Variants in L3MBTL4 observed in about 807,000 individuals in gnomAD.
L3MBTL4 encodes the protein lethal(3)malignant brain tumor-like protein 4.
Under a neutral mutation model 84.5 loss-of-function variants are expected in L3MBTL4, and 70 were observed. The observed-to-expected ratio is 0.83, with a 90% CI of 0.68 to 1.01. The LOEUF (loss-of-function observed/expected upper bound fraction) is 1.01, where lower values mean the gene tolerates loss of function less well. Among genes scored for constraint, L3MBTL4 ranks in the 50% least tolerant of loss-of-function variants. The pLI is 0.00. For missense variants in L3MBTL4, 715 were observed against 754.8 expected, an observed-to-expected ratio of 0.95 and a Z score of 0.62; for synonymous variants, 274 against 259.8, an observed-to-expected ratio of 1.05 and a Z score of -0.52.
At chr18:6,216,616 C>CTTAT (rs1456879249) in intron 10 of L3MBTL4, among the ~76,000 whole-genome samples, 1 of 152,052 alleles carries the variant, frequency 6.6e-6, no homozygotes, top group Non-Finnish European at 1.5e-5. Flanking sequence ...ATAAACATAA[C>CTTAT]TTATTTTCAT....
At chr18:6,024,899 G>A (rs897949056) in intron 16 of L3MBTL4, among the ~76,000 whole-genome samples, 1 of 152,154 alleles carries the variant, frequency 6.6e-6, no homozygotes, top group African/African-American at 2.4e-5. Flanking sequence ...CTGTGAAAAG[G>A]TCACACACTT....
chr18:6,148,930 T>C (rs1394623909), intron 13 of L3MBTL4, among the ~76,000 whole-genome samples: 1 of 152,210 alleles, frequency 6.6e-6, no homozygotes, highest in African/African-American at 2.4e-5. Flanking sequence ...TCCATTTTTT[T>C]CATTATTTTT....
At chr18:5,969,850 C>T (rs1031624215) in intron 16 of L3MBTL4, among the ~76,000 whole-genome samples, 3 of 152,284 alleles carry the variant, frequency 2.0e-5, no homozygotes, top group Non-Finnish European at 2.9e-5. Flanking sequence ...ATGAAGGGCT[C>T]GCTTGTCACT....
chr18:6,278,032 A>G (rs1486773392), intron 4 of L3MBTL4, among the ~76,000 whole-genome samples: 2 of 152,020 alleles, frequency 1.3e-5, no homozygotes, highest in Non-Finnish European at 2.9e-5. Context: ...ATCTATGTAT[A>G]TATAAACACA....
intron 1 of L3MBTL4, chr18:6,397,142 C>A (rs1405699648): frequency 6.6e-6 from 1 of 152,156 alleles, no homozygotes; most frequent in Non-Finnish European, 1.5e-5. Flanking sequence ...CCGCACTGAG[C>A]AGACAGAAGG....
intron 16 of L3MBTL4, among the ~76,000 whole-genome samples, chr18:6,038,629 C>A (rs1471175330): frequency 6.6e-6 from 1 of 152,054 alleles, no homozygotes; most frequent in Admixed American, 6.6e-5. Context: ...GGGAGAGCGG[C>A]ACTTCTGTTA....
At position 6,049,799 on chromosome 18, in the gene L3MBTL4, C is replaced by T. The variant is rs186555914; in HGVS notation, c.1444+31082G>A. ...AGTACTTGGGTGATGGGATTATTCA[C>T]GCCCCAAACCTCAGCATCATGTAAT... On this transcript the variant is annotated intron_variant, in intron 16 of 18. Coordinates refer to ENST00000317931, the MANE Select transcript of L3MBTL4 (RefSeq NM_001330559.2). Among the ~76,000 whole-genome samples, 16 of 152,256 alleles carry T rather than the reference C, an allele frequency of 1.1e-4. No individual in the cohort carries two copies. The East Asian group carries it at 2.3e-3, about 22-fold the overall frequency.
intron 1 of L3MBTL4, among the ~76,000 whole-genome samples, chr18:6,368,300 G>A (rs967391081): frequency 6.6e-6 from 1 of 152,038 alleles, no homozygotes; most frequent in Non-Finnish European, 1.5e-5. Context: ...TGCGAGCAAG[G>A]GAGAGAAAAC....
Position 6,338,249 on chromosome 18 carries a change from TGGAGA to T in L3MBTL4, c.-90-26198_-90-26194del, listed in dbSNP as rs1230149936. 4.0e-5 allele frequency among the ~76,000 whole-genome samples: 6 copies of T among 150,750 alleles called. No homozygotes were observed. The East Asian group carries it at 7.9e-4, about 20-fold the overall frequency. On this transcript the variant is annotated intron_variant, in intron 1 of 18. Coordinates refer to ENST00000317931, the MANE Select transcript of L3MBTL4 (RefSeq NM_001330559.2). ...GGAGGGAAAGAAGGAAAATGAATGG[TGGAGA>T]GGAGAGGAGAGAGTTCTTCAGGTAG... is the stretch of plus-strand genomic sequence containing the variant.
At chr18:6,032,575 C>T (rs931586679) in intron 16 of L3MBTL4, among the ~76,000 whole-genome samples, 1 of 151,708 alleles carries the variant, frequency 6.6e-6, no homozygotes, top group African/African-American at 2.4e-5. Flanking sequence ...CAATATTTAC[C>T]GTCTTAACCA....
intron 5 of L3MBTL4, among the ~76,000 whole-genome samples, chr18:6,250,822 A>G (rs1022185389): frequency 1.3e-5 from 2 of 152,264 alleles, no homozygotes; most frequent in Non-Finnish European, 2.9e-5. Flanking sequence ...TTCTTACTAC[A>G]CAAAGGCCTT....
intron 16 of L3MBTL4, among the ~76,000 whole-genome samples, chr18:5,983,670 AC>A (rs1255772123): frequency 1.3e-5 from 2 of 152,158 alleles, no homozygotes; most frequent in African/African-American, 4.8e-5. Flanking sequence ...AAGGGAAAAC[AC>A]TGAGCACAGG....
chr18:6,252,437 G>A (rs2047964126), intron 5 of L3MBTL4, among the ~76,000 whole-genome samples: 1 of 146,612 alleles, frequency 6.8e-6, no homozygotes, highest in Non-Finnish European at 1.5e-5. Context: ...AAAAAACACA[G>A]CTATTTACAT....
chr18:6,071,681 G>GAA (rs1356401876), intron 16 of L3MBTL4, among the ~76,000 whole-genome samples: 10 of 64,182 alleles, frequency 1.6e-4, no homozygotes, highest in African/African-American at 7.5e-4. Context: ...AAAAAAGAAA[G>GAA]AGAGAAAGAA....
At chr18:6,009,093 A>G (rs748717020) in intron 16 of L3MBTL4, among the ~76,000 whole-genome samples, 8 of 152,300 alleles carry the variant, frequency 5.3e-5, no homozygotes. Context: ...CAGACCTCAG[A>G]CAGAATGACC....
At chr18:6,331,462 C>T (rs143174897) in intron 1 of L3MBTL4, among the ~76,000 whole-genome samples, 2 of 152,178 alleles carry the variant, frequency 1.3e-5, no homozygotes, top group African/African-American at 4.8e-5. Context: ...CTGGGATGCT[C>T]TCAAAATTAG....
At chr18:6,334,642 T>C (rs2052233526) in intron 1 of L3MBTL4, among the ~76,000 whole-genome samples, 1 of 152,164 alleles carries the variant, frequency 6.6e-6, no homozygotes, top group Non-Finnish European at 1.5e-5. Context: ...CTTAAAATAA[T>C]GAAGCAGCTT....
chr18:6,151,404 T>C (rs942496528), intron 13 of L3MBTL4, among the ~76,000 whole-genome samples: 1 of 152,138 alleles, frequency 6.6e-6, no homozygotes, highest in Non-Finnish European at 1.5e-5. Flanking sequence ...CATATATATA[T>C]ATTTGAGATG....
At chr18:6,205,185 T>C (rs964645078) in intron 12 of L3MBTL4, among the ~76,000 whole-genome samples, 18 of 151,830 alleles carry the variant, frequency 1.2e-4, no homozygotes, top group African/African-American at 4.1e-4. Flanking sequence ...AAAATAGGAG[T>C]GTCAGAGGCA....
Sources: gnomAD v4.1 joint callset for allele counts (sites outside exome capture counted in the v4.1 genomes callset) on GRCh38, gnomAD v4.1.1 for gene constraint, MANE v1.5 for transcripts, NCBI Gene and HGNC (gene_info 2026-07-23, HGNC 2026-07-21) for gene names.